Variants in PTGFR observed in about 807,000 individuals in gnomAD.
PTGFR encodes the protein prostaglandin F receptor.
PTGFR carries 15 observed loss-of-function variants against 26.2 expected under a neutral mutation model. The observed-to-expected ratio is 0.57, with a 90% CI of 0.38 to 0.88. The LOEUF (loss-of-function observed/expected upper bound fraction) is 0.88, where lower values mean the gene tolerates loss of function less well. PTGFR is among the 40% of genes least tolerant of loss of function. The probability of loss-of-function intolerance (pLI) is 0.00; values close to 1 mark genes in which losing one functional copy is unlikely to be tolerated. For missense variants in PTGFR, 369 were observed against 427.2 expected (o/e 0.86, Z 1.20); for synonymous variants, 165 against 151.1 (o/e 1.09, Z -0.68).
intron 2 of PTGFR, among the ~76,000 whole-genome samples, chr1:78,510,635 C>A (rs1188494752): frequency 6.6e-6 from 1 of 152,138 alleles, no homozygotes; most frequent in Non-Finnish European, 1.5e-5. Context: ...CAAACTATAT[C>A]ATTCCATCCC....
In PTGFR at chr1:78,537,422, T is replaced by C. The variant is rs574352017; in HGVS notation, c.*735T>C. 7 of 152,256 alleles carry C rather than the reference T, an allele frequency of 4.6e-5. No homozygotes were observed. The highest frequency in any genetic ancestry group is 7.4e-5 in the Non-Finnish European group (5 of 68,010). The allele number at this position is 152,256 out of a possible 1,614,324, so 9.4% of individuals were successfully genotyped here. On this transcript the variant is annotated 3_prime_UTR_variant, in exon 3 of 3. Transcript: ENST00000370757. ...GAAAATTTTGTGTGTGATTGCACAA[T>C]AAATAATTTTTAGAGAAACAAAGGC...
At chr1:78,496,724 A>G (rs556460895) in intron 2 of PTGFR, among the ~76,000 whole-genome samples, 1 of 152,328 alleles carries the variant, frequency 6.6e-6, no homozygotes, top group East Asian at 1.9e-4. Context: ...GTCAAAGCTG[A>G]TACTTTATTA....
rs375994218 is a variant in PTGFR at position 78,491,190 on chromosome 1, C to G, written c.-119C>G. On this transcript the variant is annotated 5_prime_UTR_variant, in exon 1 of 3. Coordinates refer to ENST00000370757, the MANE Select transcript of PTGFR (RefSeq NM_000959.4). Reference sequence around the variant, plus strand: ...GGCGCCATGGCACACCGAGCGGCTCCGTCTTCTGCTCCTCAGAGAGCCCGG... The same window carrying G: ...GGCGCCATGGCACACCGAGCGGCTCGGTCTTCTGCTCCTCAGAGAGCCCGG... The G allele has an allele frequency of 2.6e-5, 4 of 152,478 alleles. No individual in the cohort carries two copies. In the East Asian group the frequency reaches 7.7e-4, roughly 29 times the overall value. 9.4% of individuals were successfully genotyped at this position (152,478 alleles called of 1,614,324 possible).
intron 2 of PTGFR, among the ~76,000 whole-genome samples, chr1:78,494,239 T>C (rs866705220): frequency 6.6e-6 from 1 of 152,148 alleles, no homozygotes; most frequent in Admixed American, 6.5e-5. Context: ...CAAACATAAA[T>C]CATATCACTT....
At chr1:78,527,729 C>G (rs564507661) in intron 2 of PTGFR, among the ~76,000 whole-genome samples, 144 of 152,184 alleles carry the variant, frequency 9.5e-4, no homozygotes, top group African/African-American at 3.4e-3. Context: ...ATGTTGTATG[C>G]CAGTTAACAA....
intron 1 of PTGFR, among the ~76,000 whole-genome samples, chr1:78,491,894 C>A (rs974107768): frequency 6.6e-6 from 1 of 152,186 alleles, no homozygotes; most frequent in African/African-American, 2.4e-5. Flanking sequence ...CAGGCTTCAA[C>A]CCCCTAGGGA....
intron 2 of PTGFR, among the ~76,000 whole-genome samples, chr1:78,523,781 A>T (rs1650303068): frequency 6.6e-6 from 1 of 152,140 alleles, no homozygotes; most frequent in African/African-American, 2.4e-5. Context: ...TAAATGAGTG[A>T]TATTTTAAAT....
Position 78,492,689 on chromosome 1 carries a change from C to G in PTGFR, c.-55C>G. 1 of 1,512,622 alleles carries G rather than the reference C, an allele frequency of 6.6e-7. No homozygotes were observed. The highest frequency in any genetic ancestry group is 9.0e-7 in the Non-Finnish European group (1 of 1,112,912). 93.7% of individuals were successfully genotyped at this position (1,512,622 alleles called of 1,614,324 possible). On this transcript the variant is annotated 5_prime_UTR_variant, in exon 2 of 3. Coordinates refer to ENST00000370757, the MANE Select transcript of PTGFR (RefSeq NM_000959.4). ...TCCTACAGATGTCTGGACTGCAATC[C>G]TGCACAGTTTTGAGAGGGAGATGAC...
At chr1:78,531,355 C>T (rs1039469675) in intron 2 of PTGFR, among the ~76,000 whole-genome samples, 1 of 152,136 alleles carries the variant, frequency 6.6e-6, no homozygotes, top group African/African-American at 2.4e-5. Flanking sequence ...TTCCCAAACC[C>T]TTCTGGGATC....
In PTGFR at chr1:78,492,845, A is replaced by T; in HGVS notation, c.102A>T (p.Val34=). The T allele has an allele frequency of 6.2e-7, 1 of 1,614,222 alleles. No homozygotes were observed. The highest frequency in any genetic ancestry group is 1.6e-4 in the Middle Eastern group (1 of 6,062). The part of the protein sequence containing the change: ...TENRLSVFFS[V]IFMTVGILSN... ...ACCGGCTTTCCGTATTTTTTTCAGT[A>T]ATCTTCATGACAGTGGGAATCTTGT... The change falls in exon 2 of 3, where the codon GTA becomes GTT. Residue 34 remains valine, a synonymous_variant. Transcript: ENST00000370757.
At chr1:78,512,968 G>A (rs1283808606) in intron 2 of PTGFR, among the ~76,000 whole-genome samples, 1 of 152,090 alleles carries the variant, frequency 6.6e-6, no homozygotes, top group East Asian at 1.9e-4. Context: ...GCTTCCTAAT[G>A]TCCTCACCAG....
chr1:78,512,878 G>T (rs748737968), intron 2 of PTGFR, among the ~76,000 whole-genome samples: 1 of 152,044 alleles, frequency 6.6e-6, no homozygotes, highest in Non-Finnish European at 1.5e-5. Flanking sequence ...TTGTTTCAGA[G>T]TGTGGGACCT....
chr1:78,512,589 CATT>C (rs1422075594), intron 2 of PTGFR, among the ~76,000 whole-genome samples: 1 of 152,166 alleles, frequency 6.6e-6, no homozygotes, highest in East Asian at 1.9e-4. Flanking sequence ...ATAACTCACT[CATT>C]ATTATAAGGA....
intron 2 of PTGFR, among the ~76,000 whole-genome samples, chr1:78,516,326 C>T (rs1650089828): frequency 6.6e-6 from 1 of 152,040 alleles, no homozygotes; most frequent in South Asian, 2.1e-4. Context: ...ACATTACTGG[C>T]CATATATTAT....
chr1:78,540,225 G>A lies in PTGFR; in HGVS notation c.*3538G>A, dbSNP rs1650763233. Among the ~76,000 whole-genome samples the A allele has an allele frequency of 6.6e-6, 1 of 152,034 alleles. No individual in the cohort carries two copies. ...CAGGCTGTTAGAATATCCATCTGGA[G>A]GCAACACACATTTGCATACACTTCT... On this transcript the variant is annotated 3_prime_UTR_variant, in exon 3 of 3. Transcript: ENST00000370757.
rs926194712 is a variant in PTGFR at position 78,538,113 on chromosome 1, C to T, written c.*1426C>T. The T allele has an allele frequency of 6.6e-6, 1 of 152,090 alleles. No homozygotes were observed. Among genetic ancestry groups the T allele is most frequent in the African/African-American group, 2.4e-5 (1 of 41,430 alleles). The allele number at this position is 152,090 out of a possible 1,614,324, so 9.4% of individuals were successfully genotyped here. ...GAAGACCTTTCAGATGGTTTATTTG[C>T]TTTCAGCAGAGAATTTATTTCATAC... On this transcript the variant is annotated 3_prime_UTR_variant, in exon 3 of 3. Transcript: ENST00000370757.
chr1:78,492,383 T>C (rs1355519958), intron 1 of PTGFR, among the ~76,000 whole-genome samples: 1 of 152,068 alleles, frequency 6.6e-6, no homozygotes, highest in Non-Finnish European at 1.5e-5. Context: ...AATTTGAAAA[T>C]TTTAAGGTGT....
chr1:78,498,614 T>A (rs1431907215), intron 2 of PTGFR, among the ~76,000 whole-genome samples: 3 of 152,170 alleles, frequency 2.0e-5, no homozygotes, highest in African/African-American at 7.2e-5. Context: ...TGTTCACTGC[T>A]TGGGTGATAT....
At chr1:78,533,772 T>C (rs1004045553) in intron 2 of PTGFR, among the ~76,000 whole-genome samples, 2 of 152,174 alleles carry the variant, frequency 1.3e-5, no homozygotes, top group Non-Finnish European at 2.9e-5. Flanking sequence ...ACATCCAGAA[T>C]AAAACCTTAG....
Sources: gnomAD v4.1 joint callset for allele counts (sites outside exome capture counted in the v4.1 genomes callset) on GRCh38, gnomAD v4.1.1 for gene constraint, MANE v1.5 for transcripts, NCBI Gene and HGNC (gene_info 2026-07-23, HGNC 2026-07-21) for gene names.